PPP1R12B: variants seen among roughly 807,000 people sequenced by gnomAD.
PPP1R12B encodes protein phosphatase 1 regulatory subunit 12B.
A neutral mutation model predicts 126.1 loss-of-function variants in PPP1R12B; 76 were observed. That is an observed-to-expected ratio of 0.60 (90% CI 0.50 to 0.73). The LOEUF is 0.73. Ranked by LOEUF, PPP1R12B falls within the 30% of genes least tolerant of loss-of-function variation. The pLI is 0.00. For missense variants in PPP1R12B, 1,052 were observed against 1,205.1 expected, an observed-to-expected ratio of 0.87 and a Z score of 1.88; for synonymous variants, 356 against 434.7, an observed-to-expected ratio of 0.82 and a Z score of 2.25.
chr1:202,505,420 G>A (rs936086025), intron 18 of PPP1R12B, among the ~76,000 whole-genome samples: 13 of 151,898 alleles, frequency 8.6e-5, no homozygotes, highest in African/African-American at 2.9e-4. Flanking sequence ...TTTTCACAGC[G>A]TTGCTTCTGG....
intron 23 of PPP1R12B, chr1:202,574,927 A>G (rs542514866): frequency 5.9e-6 from 8 of 1,350,202 alleles, no homozygotes; most frequent in East Asian, 4.8e-5. Context: ...TCTTTGTCCT[A>G]CTTTTCTCTC....
intron 1 of PPP1R12B, among the ~76,000 whole-genome samples, chr1:202,399,921 GT>G (rs890586733): frequency 8.5e-5 from 13 of 152,074 alleles, no homozygotes; most frequent in African/African-American, 3.1e-4. Flanking sequence ...TGATGCTGAA[GT>G]TTGGGGTATG....
At position 202,586,946 on chromosome 1, in the gene PPP1R12B, A is replaced by G. The variant is rs1056999071; in HGVS notation, c.*6386A>G. On this transcript the variant is annotated 3_prime_UTR_variant, in exon 24 of 24. Coordinates refer to ENST00000608999, the MANE Select transcript of PPP1R12B (RefSeq NM_002481.4). Reference sequence around the variant, plus strand: ...CAGAGCTTTTAAAATGAGGTCTGGCATATACTTGATTACAAATGAAAACTC... The same window carrying G: ...CAGAGCTTTTAAAATGAGGTCTGGCGTATACTTGATTACAAATGAAAACTC... The G allele has an allele frequency of 6.6e-6, 1 of 152,254 alleles. No individual in the cohort carries two copies. Among genetic ancestry groups the G allele is most frequent in the Non-Finnish European group, 1.5e-5 (1 of 68,050 alleles). 9.4% of individuals were successfully genotyped at this position (152,254 alleles called of 1,614,324 possible).
chr1:202,575,354 C>T (rs1689000747), intron 23 of PPP1R12B: 1 of 572,168 alleles, frequency 1.7e-6, no homozygotes, highest in Non-Finnish European at 2.9e-6. Flanking sequence ...AGAGAGACCT[C>T]AGCTGGGCTA....
intron 2 of PPP1R12B, among the ~76,000 whole-genome samples, chr1:202,421,363 G>A (rs1002171116): frequency 1.3e-5 from 2 of 148,202 alleles, no homozygotes; most frequent in Non-Finnish European, 3.0e-5. Context: ...ATGGCCAGGC[G>A]CAGTAGCTCA....
At chr1:202,399,414 G>C (rs1665475082) in intron 1 of PPP1R12B, among the ~76,000 whole-genome samples, 1 of 151,656 alleles carries the variant, frequency 6.6e-6, no homozygotes, top group Admixed American at 6.6e-5. Context: ...AGAGATGAGG[G>C]CTCATTTTGT....
At position 202,416,834 on chromosome 1, in the gene PPP1R12B, CAG is replaced by C; in HGVS notation, c.342_343del (p.Arg114SerfsTer31). Reference sequence around the variant, plus strand: ...ACATGGTGAAGTTTCTGGTGGAGAACAGAGCCAATGTAAACCAGCAAGACAAC... The same window carrying C: ...ACATGGTGAAGTTTCTGGTGGAGAACAGCCAATGTAAACCAGCAAGACAAC... ...LDMVKFLVEN[R>X]ANVNQQDNEG... On this transcript the variant is annotated frameshift_variant, in exon 2 of 24. Coordinates refer to ENST00000608999, the MANE Select transcript of PPP1R12B (RefSeq NM_002481.4). LOFTEE classifies it high-confidence loss of function. 1 of 1,614,020 alleles carries C rather than the reference CAG, an allele frequency of 6.2e-7. No homozygotes were observed. The highest frequency in any genetic ancestry group is 1.1e-5 in the South Asian group (1 of 91,072).
chr1:202,561,544 C>A (rs1201093717), intron 19 of PPP1R12B, among the ~76,000 whole-genome samples: 1 of 152,156 alleles, frequency 6.6e-6, no homozygotes, highest in African/African-American at 2.4e-5. Flanking sequence ...GCTTGACATT[C>A]TGCAAGGATA....
chr1:202,510,207 G>A (rs956935008), intron 18 of PPP1R12B, among the ~76,000 whole-genome samples: 10 of 152,294 alleles, frequency 6.6e-5, no homozygotes, highest in Middle Eastern at 3.4e-3. Flanking sequence ...AGAGCTAAGG[G>A]CGTGTGTAGA....
chr1:202,439,933 T>C lies in PPP1R12B; in HGVS notation c.1459-773T>C, dbSNP rs905819525. On this transcript the variant is annotated intron_variant, in intron 10 of 23. Coordinates refer to ENST00000608999, the MANE Select transcript of PPP1R12B (RefSeq NM_002481.4). The stretch of plus-strand genomic sequence containing the variant: ...CTTCCTGCCACAGTGTAATAAAGCC[T>C]CCTACCCTGCAAAAAAAAAAAAAAA... 488 of 163,864 alleles carry C rather than the reference T, an allele frequency of 3.0e-3. 4 individuals are homozygous for C. The highest frequency in any genetic ancestry group is 0.012 in the African/African-American group (465 of 39,900). The allele number at this position is 163,864 out of a possible 1,614,324, so 10.2% of individuals were successfully genotyped here.
In PPP1R12B at chr1:202,427,155, C is replaced by G. The variant is rs778898461; in HGVS notation, c.817C>G (p.Leu273Val). ...GGCTTGCTCCATCCTGGCAGAAGCACTTTGTGACATGGATATTCGAAATAA... is the reference window on the plus strand; with the variant it reads ...GGCTTGCTCCATCCTGGCAGAAGCAGTTTGTGACATGGATATTCGAAATAA... Reference protein sequence around the residue: ...KEACSILAEALCDMDIRNKLG... With the variant: ...KEACSILAEAVCDMDIRNKLG... The change falls in exon 5 of 24, where the codon CTT (leucine) becomes GTT (valine). Residue 273 changes from leucine (L) to valine (V), a missense_variant. By Grantham distance (32) the Leu-to-Val change is conservative. Coordinates refer to ENST00000608999, the MANE Select transcript of PPP1R12B (RefSeq NM_002481.4). 4 of 1,613,956 alleles carry G rather than the reference C, an allele frequency of 2.5e-6. No homozygotes were observed. The highest frequency in any genetic ancestry group is 2.7e-5 in the African/African-American group (2 of 74,910).
intron 3 of PPP1R12B, among the ~76,000 whole-genome samples, chr1:202,424,782 G>A (rs565326077): frequency 1.3e-5 from 2 of 152,152 alleles, no homozygotes; most frequent in Admixed American, 1.3e-4. Flanking sequence ...AGATATTGGA[G>A]AGTTATTGGC....
intron 13 of PPP1R12B, among the ~76,000 whole-genome samples, chr1:202,477,253 C>A (rs961303642): frequency 5.9e-5 from 9 of 152,108 alleles, no homozygotes; most frequent in African/African-American, 2.2e-4. Context: ...ATTCTAAGTG[C>A]CTTACATGGG....
At chr1:202,455,617 T>C (rs1202445658) in intron 13 of PPP1R12B, among the ~76,000 whole-genome samples, 1 of 152,234 alleles carries the variant, frequency 6.6e-6, no homozygotes, top group Non-Finnish European at 1.5e-5. Context: ...CATTCATAAG[T>C]CAATGGACAC....
At chr1:202,577,552 G>A (rs564500303) in intron 23 of PPP1R12B, among the ~76,000 whole-genome samples, 22 of 152,016 alleles carry the variant, frequency 1.4e-4, no homozygotes, top group Admixed American at 2.0e-4. Flanking sequence ...CAGTGCAGTC[G>A]AGAGATTTTA....
chr1:202,478,173 G>T (rs546631803), intron 13 of PPP1R12B, among the ~76,000 whole-genome samples: 1 of 152,224 alleles, frequency 6.6e-6, no homozygotes, highest in Non-Finnish European at 1.5e-5. Flanking sequence ...TTTCTATAAA[G>T]GTTCAGATAG....
intron 23 of PPP1R12B, chr1:202,575,010 C>T (rs759618136): frequency 1.2e-6 from 2 of 1,610,710 alleles, no homozygotes; most frequent in Admixed American, 1.7e-5. Flanking sequence ...AGAACCTCCA[C>T]CAGCTAAAAC....
rs888657852 is a variant in PPP1R12B, at chr1:202,419,823, T to G, written c.423-2797T>G. On this transcript the variant is annotated intron_variant, in intron 2 of 23. Transcript: ENST00000608999. This position sits in a 1 kb window ranked among gnomAD's most constrained non-coding sequence, Gnocchi z 4.6. ...GGCAGGTCTCAATCAATTTAAAAGTTTATTTTACCAAGGTTAAAGATGCGC... is the reference window on the plus strand; with the variant it reads ...GGCAGGTCTCAATCAATTTAAAAGTGTATTTTACCAAGGTTAAAGATGCGC... 6.6e-6 allele frequency among the ~76,000 whole-genome samples: 1 copy of G among 152,152 alleles called. No individual in the cohort carries two copies. Among genetic ancestry groups the G allele is most frequent in the African/African-American group, 2.4e-5 (1 of 41,434 alleles).
chr1:202,509,890 A>G (rs1681237542), intron 18 of PPP1R12B, among the ~76,000 whole-genome samples: 1 of 152,204 alleles, frequency 6.6e-6, no homozygotes, highest in African/African-American at 2.4e-5. Context: ...TTCTTCAACA[A>G]TTTTAAGGAA....
Sources: allele counts gnomAD v4.1 joint callset (sites outside exome capture counted in the v4.1 genomes callset), GRCh38; gene constraint gnomAD v4.1.1; non-coding constraint Gnocchi (gnomAD v3.1); transcripts MANE v1.5; gene names NCBI Gene and HGNC (gene_info 2026-07-23, HGNC 2026-07-21).